Variants in KCNH1 observed in about 807,000 individuals in gnomAD.
The protein encoded by KCNH1 is potassium voltage-gated channel subfamily H member 1.
A neutral mutation model predicts 69.2 loss-of-function variants in KCNH1; 27 were observed. That is an observed-to-expected ratio of 0.39 (90% CI 0.29 to 0.54). The LOEUF (loss-of-function observed/expected upper bound fraction) is 0.54. Ranked by LOEUF, KCNH1 falls within the 20% of genes least tolerant of loss-of-function variation. The pLI, the probability that KCNH1 is intolerant of heterozygous loss-of-function variation, is 0.68. For synonymous variants in KCNH1, 456 were observed against 487.7 expected (o/e 0.93, Z 0.86); for missense variants, 798 against 1,261.6 (o/e 0.63, Z 5.57).
At chr1:210,917,817 G>A (rs1246657950) in intron 7 of KCNH1, among the ~76,000 whole-genome samples, 1 of 152,150 alleles carries the variant, frequency 6.6e-6, no homozygotes, top group African/African-American at 2.4e-5. Context: ...TAGGAAATAC[G>A]TGCAGTTAAG....
In KCNH1 at chr1:210,683,129, A is replaced by T; in HGVS notation, c.*152T>A. 1.3e-6 allele frequency: 1 copy of T among 750,828 alleles called. No homozygotes were observed. The highest frequency in any genetic ancestry group is 2.2e-6 in the Non-Finnish European group (1 of 453,854). The allele number at this position is 750,828 out of a possible 1,614,324, so 46.5% of individuals were successfully genotyped here. The stretch of plus-strand genomic sequence containing the variant: ...ACCCTTCCCATATCTTTTTCCAGAT[A>T]GAGAAAGAGCACGTCTAAGCCACTG... On this transcript the variant is annotated 3_prime_UTR_variant, in exon 11 of 11. Transcript: ENST00000271751. This position sits in a 1 kb window ranked among gnomAD's most constrained non-coding sequence, Gnocchi z 5.7.
chr1:211,019,120 G>A lies in KCNH1; in HGVS notation c.695C>T (p.Ala232Val). The change falls in exon 6 of 11, where the codon GCC becomes GTC. Residue 232 changes from alanine (A) to valine (V), a missense_variant. Transcript: ENST00000271751. ...GGAGACATTATAAGGGACCAAGATG[G>A]CTGTATAGAAGGTCAAGATCAAGAT... ...WIILILTFYTAILVPYNVSFK... is the reference protein window; with the variant it reads ...WIILILTFYTVILVPYNVSFK... 1 of 1,613,980 alleles carries A rather than the reference G, an allele frequency of 6.2e-7. No individual in the cohort carries two copies. Among genetic ancestry groups the A allele is most frequent in the Non-Finnish European group, 8.5e-7 (1 of 1,179,914 alleles).
intron 6 of KCNH1, among the ~76,000 whole-genome samples, chr1:210,931,984 A>C (rs768584479): frequency 1.8e-4 from 28 of 152,126 alleles, no homozygotes; most frequent in Non-Finnish European, 3.4e-4. Context: ...GACACCATTA[A>C]GTTAATAAAT....
intron 10 of KCNH1, among the ~76,000 whole-genome samples, chr1:210,740,764 G>C (rs955075174): frequency 7.2e-6 from 1 of 139,728 alleles, no homozygotes; most frequent in African/African-American, 2.7e-5. Flanking sequence ...ATCAAACTCA[G>C]GCTTGTGACA....
In KCNH1 at chr1:210,775,558, G is replaced by T. The variant is rs1683843699; in HGVS notation, c.1916-14C>A. On this transcript the variant is annotated splice_polypyrimidine_tract_variant and intron_variant, in intron 9 of 10. Transcript: ENST00000271751. Reference sequence around the variant, plus strand: ...CGTCTCCTTTTCCTAAGGAGAGAAGGTTGTCATGAGGAAAGTGTTGGCCAG... The same window carrying T: ...CGTCTCCTTTTCCTAAGGAGAGAAGTTTGTCATGAGGAAAGTGTTGGCCAG... 6.2e-7 allele frequency: 1 copy of T among 1,607,702 alleles called. No homozygotes were observed. Among genetic ancestry groups the T allele is most frequent in the African/African-American group, 1.3e-5 (1 of 74,774 alleles).
intron 5 of KCNH1, among the ~76,000 whole-genome samples, chr1:211,082,487 T>G (rs1432723231): frequency 6.6e-6 from 1 of 152,194 alleles, no homozygotes; most frequent in Non-Finnish European, 1.5e-5. Context: ...AAAAACTCCT[T>G]CATGTACATG....
intron 7 of KCNH1, among the ~76,000 whole-genome samples, chr1:210,846,894 A>T (rs1574292878): frequency 6.6e-6 from 1 of 152,348 alleles, no homozygotes; most frequent in African/African-American, 2.4e-5. Flanking sequence ...GAAAAATCAA[A>T]CAACCCCATC....
At chr1:211,088,982 G>A (rs1571637679) in intron 4 of KCNH1, among the ~76,000 whole-genome samples, 2 of 151,926 alleles carry the variant, frequency 1.3e-5, no homozygotes, top group East Asian at 1.9e-4. Context: ...CATGAGCATC[G>A]AATGCAGGCA....
chr1:210,941,794 G>A (rs1342807387), intron 6 of KCNH1, among the ~76,000 whole-genome samples: 1 of 152,124 alleles, frequency 6.6e-6, no homozygotes, highest in Non-Finnish European at 1.5e-5. Context: ...CCTAACTCAG[G>A]GATGTTCTAG....
At chr1:210,764,590 A>G (rs1027039725) in intron 10 of KCNH1, among the ~76,000 whole-genome samples, 6 of 152,082 alleles carry the variant, frequency 3.9e-5, no homozygotes, top group African/African-American at 1.5e-4. Flanking sequence ...AAGACATCCT[A>G]ATGGCCAAGA....
At chr1:211,053,311 A>T (rs1433142881) in intron 5 of KCNH1, among the ~76,000 whole-genome samples, 1 of 152,234 alleles carries the variant, frequency 6.6e-6, no homozygotes, top group African/African-American at 2.4e-5. Flanking sequence ...TAAACTGTCC[A>T]TTTCTACCAA....
At chr1:210,748,762 T>A (rs1053815100) in intron 10 of KCNH1, among the ~76,000 whole-genome samples, 1 of 152,206 alleles carries the variant, frequency 6.6e-6, no homozygotes, top group Non-Finnish European at 1.5e-5. Context: ...GACTTGCCCA[T>A]CCTCCCTGGC....
intron 7 of KCNH1, among the ~76,000 whole-genome samples, chr1:210,898,688 G>GT (rs1347429644): frequency 1.3e-5 from 2 of 151,584 alleles, no homozygotes; most frequent in Non-Finnish European, 2.9e-5. Flanking sequence ...CGGCGGGGGG[G>GT]GGTCCTGTCA....
At chr1:210,903,292 G>A (rs566244200) in intron 7 of KCNH1, among the ~76,000 whole-genome samples, 2 of 152,246 alleles carry the variant, frequency 1.3e-5, no homozygotes, top group South Asian at 4.2e-4. Context: ...CTCTTAGACT[G>A]CTGCCTCTGG....
At chr1:210,780,167 C>T (rs1574251231) in intron 9 of KCNH1, among the ~76,000 whole-genome samples, 1 of 152,132 alleles carries the variant, frequency 6.6e-6, no homozygotes, top group African/African-American at 2.4e-5. Context: ...GGCAGGGAAG[C>T]AATTCTGATC....
intron 6 of KCNH1, among the ~76,000 whole-genome samples, chr1:210,949,053 T>C (rs940590570): frequency 1.3e-5 from 2 of 152,192 alleles, no homozygotes; most frequent in Non-Finnish European, 2.9e-5. Context: ...ATTTGCCCTG[T>C]AGTTTGCTGA....
At position 210,699,350 on chromosome 1, in the gene KCNH1, AC is replaced by A. The variant is rs373569232; in HGVS notation, c.2113-15213del. Among the ~76,000 whole-genome samples the A allele has an allele frequency of 6.4e-4, 97 of 152,320 alleles. 1 individual carries two copies. The East Asian group carries it at 0.012, about 18-fold the overall frequency. On this transcript the variant is annotated intron_variant, in intron 10 of 10. Transcript: ENST00000271751. ...GGCCAAAAGAGCTGTATTTGGTCAAACCTGGGCACAGCATGGACACAGACCT... is the reference window on the plus strand; with the variant it reads ...GGCCAAAAGAGCTGTATTTGGTCAAACTGGGCACAGCATGGACACAGACCT...
rs1690882960 is a variant in KCNH1, at chr1:211,082,864, C to G, written c.474G>C (p.Leu158=). ...WGKFARLTRA[L]TSSRGVLQQL... is the part of the protein sequence containing the mutation. The stretch of plus-strand genomic sequence containing the variant: ...GCTGCAGGACACCCCTGCTGCTTGT[C>G]AGTGCTCTTGTCAGCCGAGCAAACT... The change falls in exon 5 of 11, where the codon CTG becomes CTC. Residue 158 remains leucine, a synonymous_variant. Transcript: ENST00000271751. 7 of 1,614,016 alleles carry G rather than the reference C, an allele frequency of 4.3e-6. No individual in the cohort carries two copies. The highest frequency in any genetic ancestry group is 5.9e-6 in the Non-Finnish European group (7 of 1,179,998).
At chr1:210,734,819 G>C (rs575165504) in intron 10 of KCNH1, among the ~76,000 whole-genome samples, 4 of 152,224 alleles carry the variant, frequency 2.6e-5, no homozygotes, top group African/African-American at 9.6e-5. Context: ...ACCCCATAAG[G>C]TTGTTTGAAG....
Sources: gnomAD v4.1 joint callset for allele counts (sites outside exome capture counted in the v4.1 genomes callset) on GRCh38, gnomAD v4.1.1 for gene constraint, Gnocchi (gnomAD v3.1) non-coding constraint, MANE v1.5 for transcripts, NCBI Gene and HGNC (gene_info 2026-07-23, HGNC 2026-07-21) for gene names.